CACNA2D1: variants seen among roughly 807,000 people sequenced by gnomAD.
The protein encoded by CACNA2D1 is calcium voltage-gated channel auxiliary subunit alpha2delta 1, also known as voltage-dependent calcium channel subunit alpha-2/delta-1.
In CACNA2D1, 53 loss-of-function variants were observed where a neutral mutation model predicts 171.5. That is an observed-to-expected ratio of 0.31 (90% confidence interval 0.25 to 0.39). CACNA2D1 has a LOEUF of 0.39. CACNA2D1 is among the 10% of genes least tolerant of loss of function. CACNA2D1 has a pLI of 1.00. For missense variants in CACNA2D1, 903 were observed against 1,299.8 expected, an observed-to-expected ratio of 0.69 and a Z score of 4.69; for synonymous variants, 442 against 443.1, an observed-to-expected ratio of 1.00 and a Z score of 0.03.
At chr7:82,134,966 TA>T (rs1312348751) in intron 5 of CACNA2D1, among the ~76,000 whole-genome samples, 6 of 152,134 alleles carry the variant, frequency 3.9e-5, no homozygotes, top group African/African-American at 1.4e-4. Flanking sequence ...ATATTATTGT[TA>T]AAATCTTGAA....
intron 3 of CACNA2D1, among the ~76,000 whole-genome samples, chr7:82,193,419 C>T (rs1277384248): frequency 6.6e-6 from 1 of 151,926 alleles, no homozygotes; most frequent in Non-Finnish European, 1.5e-5. Flanking sequence ...ACAATAATTG[C>T]TATCATTGTA....
intron 21 of CACNA2D1, among the ~76,000 whole-genome samples, chr7:81,989,205 G>A (rs1429235683): frequency 6.6e-6 from 1 of 152,178 alleles, no homozygotes. Flanking sequence ...CTTTTCAGTG[G>A]AGAATCTGGA....
At chr7:82,101,699 T>G (rs1483638046) in intron 6 of CACNA2D1, among the ~76,000 whole-genome samples, 2 of 152,158 alleles carry the variant, frequency 1.3e-5, no homozygotes, top group African/African-American at 4.8e-5. Flanking sequence ...GATACATAGT[T>G]TCCCATAATG....
intron 1 of CACNA2D1, among the ~76,000 whole-genome samples, chr7:82,438,532 T>C (rs1585967974): frequency 6.6e-6 from 1 of 152,160 alleles, no homozygotes; most frequent in Non-Finnish European, 1.5e-5. Flanking sequence ...TTCAACTCTG[T>C]AAACAACACT....
chr7:82,157,805 C>T (rs1165869670), intron 4 of CACNA2D1, among the ~76,000 whole-genome samples: 3 of 151,830 alleles, frequency 2.0e-5, no homozygotes, highest in Non-Finnish European at 4.4e-5. Context: ...TGTTTCAAAA[C>T]CCAAAATGCT....
intron 1 of CACNA2D1, among the ~76,000 whole-genome samples, chr7:82,402,048 T>C (rs928002581): frequency 6.6e-6 from 1 of 152,206 alleles, no homozygotes; most frequent in Non-Finnish European, 1.5e-5. Flanking sequence ...GGCAATACGA[T>C]GTGATAAATG....
At chr7:82,313,338 A>T (rs1814711391) in intron 3 of CACNA2D1, among the ~76,000 whole-genome samples, 1 of 147,708 alleles carries the variant, frequency 6.8e-6, no homozygotes, top group African/African-American at 2.4e-5. Flanking sequence ...GAGGGCCTGC[A>T]GACAACAATA....
intron 24 of CACNA2D1, among the ~76,000 whole-genome samples, chr7:81,979,185 G>A (rs957414647): frequency 6.6e-6 from 1 of 152,060 alleles, no homozygotes; most frequent in African/African-American, 2.4e-5. Context: ...GGTTGGGGAA[G>A]GATGGGTAGG....
At chr7:82,252,770 G>A (rs532196692) in intron 3 of CACNA2D1, among the ~76,000 whole-genome samples, 2 of 152,118 alleles carry the variant, frequency 1.3e-5, no homozygotes, top group Non-Finnish European at 2.9e-5. Context: ...CGTGCCTGTA[G>A]TCCCAGCTAC....
intron 12 of CACNA2D1, chr7:82,028,540 C>G (rs559550911): frequency 6.6e-6 from 1 of 151,798 alleles, no homozygotes; most frequent in African/African-American, 2.4e-5. Flanking sequence ...AATTGTGATT[C>G]CTCTTACTGA....
intron 6 of CACNA2D1, among the ~76,000 whole-genome samples, chr7:82,100,165 G>C (rs989404827): frequency 3.3e-5 from 5 of 152,120 alleles, no homozygotes; most frequent in African/African-American, 9.7e-5. Flanking sequence ...TGTGAGGACA[G>C]AAAAAAGTGA....
chr7:82,276,030 TAGGC>T (rs1435241860), intron 3 of CACNA2D1, among the ~76,000 whole-genome samples: 1 of 152,190 alleles, frequency 6.6e-6, no homozygotes, highest in Non-Finnish European at 1.5e-5. Flanking sequence ...GGCAAACCGG[TAGGC>T]AGGTACTTTT....
At chr7:82,108,778 CAGAAGT>C (rs1302594375) in intron 6 of CACNA2D1, among the ~76,000 whole-genome samples, 1 of 152,118 alleles carries the variant, frequency 6.6e-6, no homozygotes, top group East Asian at 1.9e-4. Flanking sequence ...ATCTTTACCT[CAGAAGT>C]AGAATTGTTT....
intron 4 of CACNA2D1, among the ~76,000 whole-genome samples, chr7:82,153,627 G>C (rs10227705): frequency 6.6e-6 from 1 of 151,780 alleles, no homozygotes; most frequent in Admixed American, 6.6e-5. Flanking sequence ...TCATGACTAC[G>C]AATTCCAATG....
At chr7:82,272,321 C>A (rs1808742774) in intron 3 of CACNA2D1, among the ~76,000 whole-genome samples, 1 of 152,104 alleles carries the variant, frequency 6.6e-6, no homozygotes, top group Non-Finnish European at 1.5e-5. Context: ...TAGTTGTAGT[C>A]ATGTGTTCAA....
intron 10 of CACNA2D1, among the ~76,000 whole-genome samples, chr7:82,058,479 A>AC (rs1806213686): frequency 6.6e-6 from 1 of 152,178 alleles, no homozygotes; most frequent in Non-Finnish European, 1.5e-5. Flanking sequence ...GTTTATATAC[A>AC]AATAAAGCCA....
chr7:82,216,041 T>C (rs1188739498), intron 3 of CACNA2D1, among the ~76,000 whole-genome samples: 1 of 152,196 alleles, frequency 6.6e-6, no homozygotes, highest in Admixed American at 6.5e-5. Flanking sequence ...CTAACTGAGA[T>C]CTTTCTGCTC....
chr7:82,243,325 C>A (rs1585201370), intron 3 of CACNA2D1, among the ~76,000 whole-genome samples: 1 of 152,208 alleles, frequency 6.6e-6, no homozygotes, highest in Non-Finnish European at 1.5e-5. Flanking sequence ...AGAAAAGAAT[C>A]CTGGCTGATT....
chr7:81,993,228 A>C (rs37095), intron 20 of CACNA2D1, among the ~76,000 whole-genome samples: 3,306 of 152,292 alleles, frequency 0.022, 121 homozygotes, highest in African/African-American at 0.074. Context: ...GTAGTGAAAA[A>C]TATTCAATAA....
Sources: gnomAD v4.1 joint callset for allele counts (sites outside exome capture counted in the v4.1 genomes callset) on GRCh38, gnomAD v4.1.1 for gene constraint, MANE v1.5 for transcripts, NCBI Gene and HGNC (gene_info 2026-07-23, HGNC 2026-07-21) for gene names.